Variants in CSMD3 observed in about 807,000 individuals in gnomAD.
CSMD3 encodes CUB and Sushi multiple domains 3.
CSMD3 carries 177 observed loss-of-function variants against 435.2 expected under a neutral mutation model. That is an observed-to-expected ratio of 0.41 (90% CI 0.36 to 0.46). CSMD3 has a LOEUF of 0.46. Ranked by LOEUF, CSMD3 falls within the 20% of genes least tolerant of loss-of-function variation. CSMD3 has a pLI of 0.34. For missense variants in CSMD3, 4,265 were observed against 4,504.6 expected, an observed-to-expected ratio of 0.95 and a Z score of 1.52; for synonymous variants, 1,656 against 1,520.5, an observed-to-expected ratio of 1.09 and a Z score of -2.07.
intron 40 of CSMD3, among the ~76,000 whole-genome samples, chr8:112,347,001 T>C (rs1379062277): frequency 1.3e-5 from 2 of 152,104 alleles, no homozygotes; most frequent in African/African-American, 2.4e-5. Flanking sequence ...TTGGTTTCCA[T>C]TCATATGTGA....
At chr8:112,361,045 A>C (rs2131114994) in intron 38 of CSMD3, among the ~76,000 whole-genome samples, 1 of 152,102 alleles carries the variant, frequency 6.6e-6, no homozygotes, top group Admixed American at 6.5e-5. Flanking sequence ...AAGTGACAAA[A>C]TCAATAAGTT....
In CSMD3 at chr8:112,516,251, TAA is replaced by T. The variant is rs570909020; in HGVS notation, c.4756+781_4756+782del. ...TTCTCCCAAGTTGCTTACAGTGTGG[TAA>T]GAGAGAGTATGTAAATAAATAAAAT... On this transcript the variant is annotated intron_variant, in intron 28 of 70. Coordinates refer to ENST00000297405, the MANE Select transcript of CSMD3 (RefSeq NM_198123.2). Among the ~76,000 whole-genome samples the T allele has an allele frequency of 7.2e-5, 11 of 152,212 alleles. No individual in the cohort carries two copies. In the South Asian group the frequency reaches 2.3e-3, roughly 32 times the overall value.
At chr8:113,193,604 A>G (rs1387372290) in intron 3 of CSMD3, among the ~76,000 whole-genome samples, 1 of 151,452 alleles carries the variant, frequency 6.6e-6, no homozygotes, top group Non-Finnish European at 1.5e-5. Context: ...CCATTTAAAA[A>G]CAATTTAATG....
At chr8:112,518,289 C>T (rs1028264981) in intron 27 of CSMD3, among the ~76,000 whole-genome samples, 1 of 151,590 alleles carries the variant, frequency 6.6e-6, no homozygotes, top group Non-Finnish European at 1.5e-5. Context: ...TTTCTAAATC[C>T]CAGGAGTTTG....
chr8:113,326,465 C>A lies in CSMD3; in HGVS notation c.179-11672G>T, dbSNP rs182705375. Among the ~76,000 whole-genome samples the A allele has an allele frequency of 3.9e-3, 592 of 151,892 alleles. 1 individual carries two copies. The highest frequency in any genetic ancestry group is 0.011 in the African/African-American group (441 of 41,434). On this transcript the variant is annotated intron_variant, in intron 1 of 70. Coordinates refer to ENST00000297405, the MANE Select transcript of CSMD3 (RefSeq NM_198123.2). ...TGTCTACAAATTAAACAACAAGAAGCAACAGCAAAAGCTGCCTCCAGAATA... is the reference window on the plus strand; with the variant it reads ...TGTCTACAAATTAAACAACAAGAAGAAACAGCAAAAGCTGCCTCCAGAATA...
intron 1 of CSMD3, among the ~76,000 whole-genome samples, chr8:113,327,816 G>A (rs2093994482): frequency 1.3e-5 from 2 of 151,904 alleles, no homozygotes; most frequent in African/African-American, 4.8e-5. Flanking sequence ...GCAACTGCCT[G>A]AAGCTTCTGT....
chr8:113,308,448 T>C (rs1355880363), intron 2 of CSMD3, among the ~76,000 whole-genome samples: 1 of 151,820 alleles, frequency 6.6e-6, no homozygotes, highest in Non-Finnish European at 1.5e-5. Context: ...TTTTGTATTT[T>C]TAGTAAAGAC....
chr8:112,392,868 T>TC (rs1294784766), intron 35 of CSMD3, among the ~76,000 whole-genome samples: 133 of 140,574 alleles, frequency 9.5e-4, no homozygotes, highest in African/African-American at 3.7e-3. Flanking sequence ...TTTTTTCTTT[T>TC]TTTTTTTTTT....
chr8:112,415,814 C>T (rs1811852059), intron 32 of CSMD3, among the ~76,000 whole-genome samples: 1 of 152,162 alleles, frequency 6.6e-6, no homozygotes, highest in Admixed American at 6.5e-5. Flanking sequence ...TTAATGACTG[C>T]TCTATTGGAT....
At chr8:113,249,912 TA>T (rs1338889180) in intron 3 of CSMD3, among the ~76,000 whole-genome samples, 1 of 152,086 alleles carries the variant, frequency 6.6e-6, no homozygotes, top group Non-Finnish European at 1.5e-5. Context: ...AACAGTTCTA[TA>T]AATCTATGTA....
chr8:112,792,357 G>C (rs1045455004), intron 13 of CSMD3, among the ~76,000 whole-genome samples: 1 of 152,088 alleles, frequency 6.6e-6, no homozygotes, highest in Non-Finnish European at 1.5e-5. Context: ...CTCTTTTTCT[G>C]GCTTGCAGAT....
At position 112,873,246 on chromosome 8, in the gene CSMD3, C is replaced by G. The variant is rs1367749476; in HGVS notation, c.1634-13980G>C. On this transcript the variant is annotated intron_variant, in intron 10 of 70. Transcript: ENST00000297405. ...CTAACCATTAAACATTAAGTCTCCA[C>G]CTAATGGCACAAGAAATTAACTGAA... Among the ~76,000 whole-genome samples the G allele has an allele frequency of 3.3e-5, 5 of 152,074 alleles. No homozygotes were observed. The East Asian group carries it at 7.7e-4, about 24-fold the overall frequency.
intron 36 of CSMD3, among the ~76,000 whole-genome samples, chr8:112,389,763 CTG>C (rs1830263436): frequency 6.6e-6 from 1 of 152,138 alleles, no homozygotes; most frequent in Admixed American, 6.5e-5. Context: ...CAAGTTATAT[CTG>C]TGAAGGCTAG....
intron 3 of CSMD3, among the ~76,000 whole-genome samples, chr8:113,246,231 T>A (rs188680848): frequency 6.6e-6 from 1 of 152,042 alleles, no homozygotes; most frequent in Non-Finnish European, 1.5e-5. Flanking sequence ...CACTTTATTG[T>A]GTACCACAAG....
chr8:113,424,819 T>A (rs1420148914), intron 1 of CSMD3, among the ~76,000 whole-genome samples: 1 of 151,444 alleles, frequency 6.6e-6, no homozygotes, highest in East Asian at 1.9e-4. Context: ...ACAAACAGCA[T>A]CTGTAGAATG....
rs185765201 is a variant in CSMD3 at position 112,253,571 on chromosome 8, T to C, written c.10110+682A>G. ...ACAGGGCAATTGGGTAATGTGTAAA[T>C]TGGCTACTTCTGTTTGGAATCAGTA... On this transcript the variant is annotated intron_variant, in intron 63 of 70. Transcript: ENST00000297405. 1.9e-3 allele frequency among the ~76,000 whole-genome samples: 296 copies of C among 152,110 alleles called. 1 individual carries two copies. Among genetic ancestry groups the C allele is most frequent in the African/African-American group, 6.7e-3 (277 of 41,544 alleles).
At chr8:112,651,536 A>C (rs60525351) in intron 18 of CSMD3, among the ~76,000 whole-genome samples, 9 of 149,210 alleles carry the variant, frequency 6.0e-5, no homozygotes, top group Admixed American at 5.3e-4. Context: ...CTAAGCACCC[A>C]GTGCATTTTT....
chr8:112,954,946 T>C (rs2083960176), intron 7 of CSMD3, among the ~76,000 whole-genome samples, 185 bp from the exon 8 acceptor site: 1 of 151,624 alleles, frequency 6.6e-6, no homozygotes, highest in Non-Finnish European at 1.5e-5. Flanking sequence ...TACTAAGCAG[T>C]GTAGAATGAT....
chr8:112,952,356 T>C (rs2083849644), intron 8 of CSMD3, among the ~76,000 whole-genome samples: 1 of 151,832 alleles, frequency 6.6e-6, no homozygotes, highest in Admixed American at 6.6e-5. Flanking sequence ...GTGCCCATCA[T>C]AGAATTGATC....
Sources: allele counts gnomAD v4.1 joint callset (sites outside exome capture counted in the v4.1 genomes callset), GRCh38; gene constraint gnomAD v4.1.1; transcripts MANE v1.5; gene names NCBI Gene and HGNC (gene_info 2026-07-23, HGNC 2026-07-21).